The following POLR2D variants were observed in gnomAD, a reference collection of about 807,000 sequenced individuals.
The protein encoded by POLR2D is DNA-directed RNA polymerase II subunit RPB4.
In POLR2D, 10 loss-of-function variants were observed where a neutral mutation model predicts 17.6. The observed-to-expected ratio is 0.57, with a 90% confidence interval of 0.35 to 0.96. The LOEUF (loss-of-function observed/expected upper bound fraction) is 0.96, where lower values mean the gene tolerates loss of function less well. Among genes scored for constraint, POLR2D ranks in the 40% least tolerant of loss-of-function variants. The pLI, the probability that POLR2D is intolerant of heterozygous loss-of-function variation, is 0.02. For synonymous variants in POLR2D, 52 were observed against 60.2 expected (o/e 0.86, Z 0.63); for missense variants, 126 against 176.4 (o/e 0.71, Z 1.62).
rs943092933 is a variant in POLR2D, at chr2:127,852,153, T to C, written c.254+772A>G. 3.9e-5 allele frequency among the ~76,000 whole-genome samples: 6 copies of C among 152,180 alleles called. No homozygotes were observed. On this transcript the variant is annotated intron_variant, in intron 2 of 3. Coordinates refer to ENST00000272645, the MANE Select transcript of POLR2D (RefSeq NM_004805.4). The surrounding 1 kb of genome is among the most constrained non-coding windows in gnomAD (Gnocchi z 4.0). ...TGAGGCCAGGAGTTTGAGACCAGCCTGGACAACATAGTAAGTCTCCCCATC... is the reference window on the plus strand; with the variant it reads ...TGAGGCCAGGAGTTTGAGACCAGCCCGGACAACATAGTAAGTCTCCCCATC...
chr2:127,858,095 C>A lies in POLR2D; in HGVS notation c.6G>T (p.Ala2=), dbSNP rs1450051459. 1.2e-5 allele frequency: 18 copies of A among 1,502,706 alleles called. No individual in the cohort carries two copies. Among genetic ancestry groups the A allele is most frequent in the East Asian group, 2.8e-5 (1 of 35,454 alleles). The allele number at this position is 1,502,706 out of a possible 1,614,324, so 93.1% of individuals were successfully genotyped here. M[A]AGGSDPRAGD... is the part of the protein sequence containing the mutation. ...CAGCCCGCGGATCGCTGCCACCCGC[C>A]GCCATCGCCGCGCCGCGCCGCGCGC... is the stretch of plus-strand genomic sequence containing the variant. The change falls in exon 1 of 4, where the codon GCG becomes GCT. Residue 2 remains alanine, a synonymous_variant. Transcript: ENST00000272645.
rs748267959 is a variant in POLR2D, at chr2:127,848,091, C to T, written c.*16G>A. 1 of 1,559,170 alleles carries T rather than the reference C, an allele frequency of 6.4e-7. No individual in the cohort carries two copies. Among genetic ancestry groups the T allele is most frequent in the Middle Eastern group, 1.7e-4 (1 of 5,952 alleles). ...CTGGGGATGTGGTTTCTCCGAGCAG[C>T]AGTGATGTTTGGAGATTAATACTGA... On this transcript the variant is annotated 3_prime_UTR_variant, in exon 4 of 4. Transcript: ENST00000272645.
chr2:127,855,802 T>C (rs938047318), intron 1 of POLR2D, among the ~76,000 whole-genome samples: 54 of 151,314 alleles, frequency 3.6e-4, no homozygotes, highest in Non-Finnish European at 5.8e-4. Context: ...CGCGCGCACA[T>C]ACACACACAC....
At position 127,852,999 on chromosome 2, in the gene POLR2D, G is replaced by C; in HGVS notation, c.180C>G (p.Val60=). 1 of 1,613,832 alleles carries C rather than the reference G, an allele frequency of 6.2e-7. No individual in the cohort carries two copies. The highest frequency in any genetic ancestry group is 8.5e-7 in the Non-Finnish European group (1 of 1,179,672). The stretch of plus-strand genomic sequence containing the variant: ...CTGTGTAGTTTAATGTTTTCATGAA[G>C]ACTTCTGAGAGCTCCTGTTCGTCCT... ...SAEDEQELSE[V]FMKTLNYTAR... is the part of the protein sequence containing the mutation. The change falls in exon 2 of 4, where the codon GTC becomes GTG. Residue 60 remains valine, a synonymous_variant. Transcript: ENST00000272645. This position sits in a 1 kb window ranked among gnomAD's most constrained non-coding sequence, Gnocchi z 4.0.
At chr2:127,850,392 A>G (rs1024390630) in intron 3 of POLR2D, among the ~76,000 whole-genome samples, 198 bp downstream of exon 3, 4 of 142,398 alleles carry the variant, frequency 2.8e-5, no homozygotes, top group African/African-American at 1.1e-4. Flanking sequence ...GTGAGCCGAG[A>G]TCACACCACT....
intron 2 of POLR2D, among the ~76,000 whole-genome samples, chr2:127,851,845 C>T (rs971093223): frequency 3.3e-5 from 5 of 152,186 alleles, no homozygotes; most frequent in African/African-American, 9.7e-5. Flanking sequence ...GGCTGCAGTG[C>T]AGTGGCACGA....
chr2:127,855,758 TC>T (rs1191481793), intron 1 of POLR2D, among the ~76,000 whole-genome samples: 1 of 152,050 alleles, frequency 6.6e-6, no homozygotes, highest in Non-Finnish European at 1.5e-5. Flanking sequence ...CCATGGCTAA[TC>T]CCAAGGAACA....
In POLR2D at chr2:127,845,370, T is replaced by C. The variant is rs956702903; in HGVS notation, c.*2737A>G. The C allele has an allele frequency of 2.9e-5, 4 of 136,340 alleles. No individual in the cohort carries two copies. The highest frequency in any genetic ancestry group is 1.2e-4 in the African/African-American group (4 of 33,154). 8.4% of individuals were successfully genotyped at this position (136,340 alleles called of 1,614,324 possible). A position where few individuals can be genotyped will look rare whatever the true frequency, so the allele number is the denominator to read the frequency against. On this transcript the variant is annotated 3_prime_UTR_variant, in exon 4 of 4. Coordinates refer to ENST00000272645, the MANE Select transcript of POLR2D (RefSeq NM_004805.4). ...TAACTGTAGATTTGGGTAAGCAATT[T>C]CACTTTTTTTTTTTTTTTTTTTTTG...
chr2:127,851,798 GTTTT>G (rs200930178), intron 2 of POLR2D, among the ~76,000 whole-genome samples: 2 of 151,732 alleles, frequency 1.3e-5, no homozygotes, highest in African/African-American at 4.8e-5. Flanking sequence ...CGAGGACTTT[GTTTT>G]TTTTGAGATG....
rs930836839 is a variant in POLR2D at position 127,846,926 on chromosome 2, G to C, written c.*1181C>G. The C allele has an allele frequency of 6.5e-6, 1 of 152,758 alleles. No individual in the cohort carries two copies. Among genetic ancestry groups the C allele is most frequent in the Non-Finnish European group, 1.5e-5 (1 of 68,170 alleles). 9.5% of individuals were successfully genotyped at this position (152,758 alleles called of 1,614,324 possible). ...CAAGGATGCTCATTTCAGAAACATC[G>C]CTGACTGCTGCGGCCTCTACGTTTC... On this transcript the variant is annotated 3_prime_UTR_variant, in exon 4 of 4. Coordinates refer to ENST00000272645, the MANE Select transcript of POLR2D (RefSeq NM_004805.4).
chr2:127,853,784 T>C (rs951274671), intron 1 of POLR2D, among the ~76,000 whole-genome samples: 2 of 152,130 alleles, frequency 1.3e-5, no homozygotes, highest in Admixed American at 1.3e-4. Flanking sequence ...TTCCTTTTTA[T>C]GCCTGCAGCT....
rs1316569813 is a variant in POLR2D, at chr2:127,852,461, G to C, written c.254+464C>G. ...GAGTTTCACCATGTTGCACATGCTG[G>C]TCTTGAACTCCTGGCCTCAAGAGAC... On this transcript the variant is annotated intron_variant, in intron 2 of 3. Coordinates refer to ENST00000272645, the MANE Select transcript of POLR2D (RefSeq NM_004805.4). This position sits in a 1 kb window ranked among gnomAD's most constrained non-coding sequence, Gnocchi z 4.0. 6.6e-6 allele frequency among the ~76,000 whole-genome samples: 1 copy of C among 151,992 alleles called. No homozygotes were observed. The highest frequency in any genetic ancestry group is 2.4e-5 in the African/African-American group (1 of 41,360).
At chr2:127,853,126 T>C (rs200401751) in intron 1 of POLR2D, 21 bp from the exon 2 acceptor site, 94 of 1,591,800 alleles carry the variant, frequency 5.9e-5, no homozygotes, top group African/African-American at 8.1e-5. Context: ...GAAGCATAAA[T>C]GGCAGCTGAA....
intron 2 of POLR2D, among the ~76,000 whole-genome samples, chr2:127,851,111 G>T (rs1690245924): frequency 2.6e-5 from 4 of 152,126 alleles, no homozygotes; most frequent in Admixed American, 2.6e-4. Flanking sequence ...AGCTACTCGG[G>T]AGGCTGAGGC....
At chr2:127,850,473 C>G in intron 3 of POLR2D, 117 bp downstream of exon 3, 1 of 333,752 alleles carries the variant, frequency 3.0e-6, no homozygotes. Flanking sequence ...AAGGCACTTT[C>G]ATTCAATATT....
intron 2 of POLR2D, among the ~76,000 whole-genome samples, chr2:127,851,372 C>T (rs1406830147): frequency 6.6e-6 from 1 of 152,092 alleles, no homozygotes; most frequent in Non-Finnish European, 1.5e-5. Flanking sequence ...TGAGCCAAGA[C>T]CGCACCACTA....
Position 127,845,185 on chromosome 2 carries a change from T to A in POLR2D, c.*2922A>T, listed in dbSNP as rs1042057075. 1.3e-5 allele frequency: 2 copies of A among 152,180 alleles called. No homozygotes were observed. The highest frequency in any genetic ancestry group is 2.9e-5 in the Non-Finnish European group (2 of 68,102). 9.4% of individuals were successfully genotyped at this position (152,180 alleles called of 1,614,324 possible). ...AAGTCTCTTCTTCCCATTCCACTGC[T>A]TTAGTGCCAATCAGCACATGTAAGT... On this transcript the variant is annotated 3_prime_UTR_variant, in exon 4 of 4. Coordinates refer to ENST00000272645, the MANE Select transcript of POLR2D (RefSeq NM_004805.4).
chr2:127,855,133 A>T (rs1312097770), intron 1 of POLR2D, among the ~76,000 whole-genome samples: 1 of 152,124 alleles, frequency 6.6e-6, no homozygotes, highest in Non-Finnish European at 1.5e-5. Context: ...GCAGTGGCTC[A>T]CGCCTGTAAT....
chr2:127,845,653 G>A lies in POLR2D; in HGVS notation c.*2454C>T, dbSNP rs1444084190. On this transcript the variant is annotated 3_prime_UTR_variant, in exon 4 of 4. Transcript: ENST00000272645. The stretch of plus-strand genomic sequence containing the variant: ...GCCTCTGAAAGCGCTGGGATTACAA[G>A]GGTGAGCCACCACGCCTGGCCCAAT... The A allele has an allele frequency of 1.3e-5, 2 of 152,174 alleles. No homozygotes were observed. Among genetic ancestry groups the A allele is most frequent in the African/African-American group, 2.4e-5 (1 of 41,442 alleles). 9.4% of individuals were successfully genotyped at this position (152,174 alleles called of 1,614,324 possible).
Sources: allele counts gnomAD v4.1 joint callset (sites outside exome capture counted in the v4.1 genomes callset), GRCh38; gene constraint gnomAD v4.1.1; non-coding constraint Gnocchi (gnomAD v3.1); transcripts MANE v1.5; gene names NCBI Gene and HGNC (gene_info 2026-07-23, HGNC 2026-07-21).